The following FAR1 variants were observed in gnomAD, a reference collection of about 807,000 sequenced individuals.
FAR1 encodes the protein male sterility domain-containing protein 2.
Under a neutral mutation model 61.1 loss-of-function variants are expected in FAR1, and 22 were observed. The ratio of observed to expected loss-of-function variants is 0.36; its 90% confidence interval spans 0.26 to 0.51. The LOEUF is 0.51. FAR1 is among the 20% of genes least tolerant of loss of function. FAR1 has a pLI of 0.95. For missense variants in FAR1, 359 were observed against 626.9 expected (o/e 0.57, Z 4.56); for synonymous variants, 206 against 209.7 (o/e 0.98, Z 0.15).
intron 7 of FAR1, 35 bp from the exon 8 acceptor site, chr11:13,712,931 A>G: frequency 6.3e-7 from 1 of 1,584,652 alleles, no homozygotes; most frequent in Non-Finnish European, 8.7e-7. Flanking sequence ...TTGGCCTCTT[A>G]TTATGATTAA....
intron 11 of FAR1, among the ~76,000 whole-genome samples, 186 bp from the exon 12 acceptor site, chr11:13,728,426 A>T (rs1848688004): frequency 6.6e-6 from 1 of 151,952 alleles, no homozygotes; most frequent in South Asian, 2.1e-4. Flanking sequence ...TTTTTAGATT[A>T]GATGGGAAGC....
At chr11:13,706,497 T>A (rs1848433962) in intron 3 of FAR1, among the ~76,000 whole-genome samples, 2 of 151,630 alleles carry the variant, frequency 1.3e-5, no homozygotes, top group Admixed American at 6.6e-5. Flanking sequence ...GTTTGTTTGT[T>A]TTTATTTTTT....
At chr11:13,722,600 A>G (rs1037566941) in intron 10 of FAR1, among the ~76,000 whole-genome samples, 5 of 151,868 alleles carry the variant, frequency 3.3e-5, no homozygotes, top group Non-Finnish European at 5.9e-5. Flanking sequence ...CAGCCTCCCA[A>G]GTAGCTGGGA....
chr11:13,713,208 T>C (rs1242037913), intron 8 of FAR1, 175 bp downstream of exon 8: 1 of 611,436 alleles, frequency 1.6e-6, no homozygotes, highest in Non-Finnish European at 2.9e-6. Flanking sequence ...CTTAATAATG[T>C]TTCACAAATT....
chr11:13,687,207 A>G (rs1368697773), intron 1 of FAR1, among the ~76,000 whole-genome samples: 1 of 152,238 alleles, frequency 6.6e-6, no homozygotes, highest in African/African-American at 2.4e-5. Context: ...GGTACTCAGC[A>G]TTTTGCTGAT....
At position 13,729,906 on chromosome 11, in the gene FAR1, G is replaced by T. The variant is rs1347179484; in HGVS notation, c.*1132G>T. 6.6e-6 allele frequency: 1 copy of T among 152,370 alleles called. No homozygotes were observed. Among genetic ancestry groups the T allele is most frequent in the Non-Finnish European group, 1.5e-5 (1 of 67,852 alleles). 9.4% of individuals were successfully genotyped at this position (152,370 alleles called of 1,614,324 possible). On this transcript the variant is annotated 3_prime_UTR_variant, in exon 12 of 12. Coordinates refer to ENST00000354817, the MANE Select transcript of FAR1 (RefSeq NM_032228.6). ...GGACTTTATTTACATACTACATAAGGTAGCAAACTGTTGAATGAGTTTGAA... is the reference window on the plus strand; with the variant it reads ...GGACTTTATTTACATACTACATAAGTTAGCAAACTGTTGAATGAGTTTGAA...
chr11:13,689,966 C>T (rs556751995), intron 1 of FAR1, among the ~76,000 whole-genome samples: 1 of 149,396 alleles, frequency 6.7e-6, no homozygotes, highest in South Asian at 2.1e-4. Context: ...ACCTCCGTAT[C>T]CCGGGCTCAA....
intron 1 of FAR1, among the ~76,000 whole-genome samples, chr11:13,675,436 GGC>G (rs781120537): frequency 0.3 from 45,521 of 151,892 alleles, 7,102 homozygotes; most frequent in South Asian, 0.38. Context: ...ATCTAATTTT[GGC>G]GCTATAGAAT....
rs151303435 is a variant in FAR1 at position 13,687,605 on chromosome 11, C to G, written c.-7-7154C>G. 6.5e-3 allele frequency among the ~76,000 whole-genome samples: 990 copies of G among 152,284 alleles called. 9 individuals are homozygous for G. The highest frequency in any genetic ancestry group is 0.022 in the African/African-American group (917 of 41,556). ...AGTCTGAACTTCCCTTAAAAGAACT[C>G]TCATTTTTATTGGCTTTGCCAATAA... is the stretch of plus-strand genomic sequence containing the variant. On this transcript the variant is annotated intron_variant, in intron 1 of 11. Transcript: ENST00000354817.
chr11:13,722,772 C>T (rs1032371402), intron 10 of FAR1, among the ~76,000 whole-genome samples: 3 of 151,870 alleles, frequency 2.0e-5, no homozygotes, highest in African/African-American at 4.8e-5. Flanking sequence ...CCATCACACC[C>T]GGCACAGTTC....
At chr11:13,681,782 G>A (rs1167914398) in intron 1 of FAR1, among the ~76,000 whole-genome samples, 1 of 152,128 alleles carries the variant, frequency 6.6e-6, no homozygotes, top group Non-Finnish European at 1.5e-5. Context: ...AAATAAAATG[G>A]TGGTTGTTTT....
chr11:13,710,566 AG>A, intron 4 of FAR1, 126 bp from the exon 5 acceptor site: 1 of 742,880 alleles, frequency 1.3e-6, no homozygotes, highest in Non-Finnish European at 2.0e-6. Flanking sequence ...TCCATTTTTC[AG>A]TAAAAGTTGT....
chr11:13,713,165 A>G, intron 8 of FAR1, 132 bp downstream of exon 8: 2 of 776,760 alleles, frequency 2.6e-6, no homozygotes, highest in Non-Finnish European at 4.5e-6. Context: ...TTGTCGTCTT[A>G]GAAGTATTAT....
At chr11:13,720,393 T>A (rs1848597845) in intron 9 of FAR1, 1 of 152,196 alleles carries the variant, frequency 6.6e-6, no homozygotes, top group South Asian at 2.1e-4. Context: ...CACCTAATCT[T>A]TTCTAAGAGC....
chr11:13,713,983 A>G (rs1222277841), intron 8 of FAR1, among the ~76,000 whole-genome samples: 1 of 152,114 alleles, frequency 6.6e-6, no homozygotes, highest in Non-Finnish European at 1.5e-5. Flanking sequence ...ATACATTTCT[A>G]GTAAAGTATT....
chr11:13,696,942 T>C lies in FAR1; in HGVS notation c.189+1988T>C, dbSNP rs528397681. ...GCAGGGTTTCTCAGCTTCAGCACCATTGACATTTTGGGCTGGCTAGTTCTT... is the reference window on the plus strand; with the variant it reads ...GCAGGGTTTCTCAGCTTCAGCACCACTGACATTTTGGGCTGGCTAGTTCTT... On this transcript the variant is annotated intron_variant, in intron 2 of 11. Transcript: ENST00000354817. 2.6e-5 allele frequency among the ~76,000 whole-genome samples: 4 copies of C among 152,338 alleles called. No homozygotes were observed. In the South Asian group the frequency reaches 6.2e-4, roughly 24 times the overall value.
In FAR1 at chr11:13,732,236, A is replaced by C. The variant is rs1848736197; in HGVS notation, c.*3462A>C. The stretch of plus-strand genomic sequence containing the variant: ...TCCTGGTGGTACCCTCTTAGCATAT[A>C]TCTTTGCTATCCTTAAGATCCTAAA... On this transcript the variant is annotated 3_prime_UTR_variant, in exon 12 of 12. Transcript: ENST00000354817. 6.6e-6 allele frequency: 1 copy of C among 152,158 alleles called. No homozygotes were observed. The highest frequency in any genetic ancestry group is 2.4e-5 in the African/African-American group (1 of 41,444). The allele number at this position is 152,158 out of a possible 1,614,324, so 9.4% of individuals were successfully genotyped here. A position where few individuals can be genotyped will look rare whatever the true frequency, so the allele number is the denominator to read the frequency against.
At chr11:13,726,993 C>T (rs776117230) in intron 10 of FAR1, among the ~76,000 whole-genome samples, 1 of 151,976 alleles carries the variant, frequency 6.6e-6, no homozygotes, top group Non-Finnish European at 1.5e-5. Context: ...TCTTACTTTG[C>T]CATAACATTT....
Position 13,721,958 on chromosome 11 carries a change from C to A in FAR1, c.1257+99C>A. 2 of 935,808 alleles carry A rather than the reference C, an allele frequency of 2.1e-6. No individual in the cohort carries two copies. Among genetic ancestry groups the A allele is most frequent in the Non-Finnish European group, 3.1e-6 (2 of 645,540 alleles). 58.0% of individuals were successfully genotyped at this position (935,808 alleles called of 1,614,324 possible). A position where few individuals can be genotyped will look rare whatever the true frequency, so the allele number is the denominator to read the frequency against. ...AATATTTTCCACAGCTATTATGCAA[C>A]AAGTAAGCCATTATTTATAGTCTCT... is the stretch of plus-strand genomic sequence containing the variant. On this transcript the variant is annotated intron_variant, in intron 10 of 11. Transcript: ENST00000354817. The surrounding 1 kb of genome is among the most constrained non-coding windows in gnomAD (Gnocchi z 4.2).
Sources: allele counts gnomAD v4.1 joint callset (sites outside exome capture counted in the v4.1 genomes callset), GRCh38; gene constraint gnomAD v4.1.1; non-coding constraint Gnocchi (gnomAD v3.1); transcripts MANE v1.5; gene names NCBI Gene and HGNC (gene_info 2026-07-23, HGNC 2026-07-21).